Variants in DAB2IP observed in about 807,000 individuals in gnomAD.
The protein encoded by DAB2IP is DAB2 interacting protein.
Under a neutral mutation model 107.2 loss-of-function variants are expected in DAB2IP, and 28 were observed. The ratio of observed to expected loss-of-function variants is 0.26; its 90% CI spans 0.19 to 0.36. The LOEUF is 0.36. DAB2IP is among the 10% of genes least tolerant of loss of function. The pLI, the probability that DAB2IP is intolerant of heterozygous loss-of-function variation, is 1.00. For synonymous variants in DAB2IP, 755 were observed against 706.4 expected, an observed-to-expected ratio of 1.07 and a Z score of -1.09; for missense variants, 1,400 against 1,644.7, an observed-to-expected ratio of 0.85 and a Z score of 2.57.
exon 2 of DAB2IP, chr9:121,678,747 T>G: frequency 6.3e-7 from 1 of 1,599,844 alleles, no homozygotes; most frequent in South Asian, 1.1e-5. Flanking sequence ...AGCCCCAGCA[T>G]GGAGCCCTCG....
At chr9:121,724,748 C>G (rs1375466127) in intron 3 of DAB2IP, among the ~76,000 whole-genome samples, 1 of 152,190 alleles carries the variant, frequency 6.6e-6, no homozygotes, top group Admixed American at 6.5e-5. Context: ...TGTCATACAG[C>G]TGCAGCGGGA....
At chr9:121,596,123 C>G (rs1476854974) in intron 1 of DAB2IP, among the ~76,000 whole-genome samples, 1 of 152,110 alleles carries the variant, frequency 6.6e-6, no homozygotes, top group Non-Finnish European at 1.5e-5. Flanking sequence ...GAGTTCGAGA[C>G]CAGTCTGACC....
At chr9:121,750,341 G>A (rs1189385481) in intron 3 of DAB2IP, among the ~76,000 whole-genome samples, 1 of 152,228 alleles carries the variant, frequency 6.6e-6, no homozygotes, top group Non-Finnish European at 1.5e-5. Flanking sequence ...GTGTGTGTGT[G>A]TGTTTAATCC....
Position 121,780,226 on chromosome 9 carries a change from C to T in DAB2IP, c.3315-1238C>T, listed in dbSNP as rs568656279. Among the ~76,000 whole-genome samples, 18 of 152,280 alleles carry T rather than the reference C, an allele frequency of 1.2e-4. No homozygotes were observed. In the East Asian group the frequency reaches 3.1e-3, roughly 26 times the overall value. The stretch of plus-strand genomic sequence containing the variant: ...ACAAGAGAGTAAATACAATCTCCTT[C>T]CAATCTAATTTTCCTTAATAAAACA... On this transcript the variant is annotated intron_variant, in intron 14 of 15. Coordinates refer to ENST00000408936, the Ensembl canonical transcript of DAB2IP.
At chr9:121,645,729 C>T (rs926216377) in intron 1 of DAB2IP, among the ~76,000 whole-genome samples, 1 of 152,180 alleles carries the variant, frequency 6.6e-6, no homozygotes, top group African/African-American at 2.4e-5. Flanking sequence ...CTCAGCTTCC[C>T]CCGTTCATCA....
At chr9:121,756,962 A>G (rs1398791944) in intron 3 of DAB2IP, 51 bp from the exon 4 acceptor site, 2 of 1,611,736 alleles carry the variant, frequency 1.2e-6, no homozygotes, top group Non-Finnish European at 1.7e-6. Flanking sequence ...CATGGCAACC[A>G]GCTTGACCCG....
At chr9:121,617,725 G>A (rs140764411) in intron 1 of DAB2IP, among the ~76,000 whole-genome samples, 1 of 152,212 alleles carries the variant, frequency 6.6e-6, no homozygotes, top group African/African-American at 2.4e-5. Flanking sequence ...CGAGGCCCAG[G>A]GTGATTGGTT....
Position 121,662,180 on chromosome 9 carries a change from A to G in DAB2IP, c.124+10281A>G, listed in dbSNP as rs1833239256. Among the ~76,000 whole-genome samples, 1 of 152,206 alleles carries G rather than the reference A, an allele frequency of 6.6e-6. No homozygotes were observed. Among genetic ancestry groups the G allele is most frequent in the African/African-American group, 2.4e-5 (1 of 41,442 alleles). On this transcript the variant is annotated intron_variant, in intron 1 of 15. Coordinates refer to ENST00000408936, the Ensembl canonical transcript of DAB2IP. The surrounding 1 kb of genome is among the most constrained non-coding windows in gnomAD (Gnocchi z 4.6). ...CTAAAATATTCTAAAGTAGAACAGAAAAGCATAGAAAATAATATTGCAGAC... is the reference window on the plus strand; with the variant it reads ...CTAAAATATTCTAAAGTAGAACAGAGAAGCATAGAAAATAATATTGCAGAC...
At chr9:121,775,594 A>G (rs558751438) in intron 13 of DAB2IP, among the ~76,000 whole-genome samples, 3 of 152,292 alleles carry the variant, frequency 2.0e-5, no homozygotes, top group Admixed American at 1.3e-4. Context: ...AGCCTCGTCC[A>G]CATCCCTGCT....
At position 121,772,530 on chromosome 9, in the gene DAB2IP, C is replaced by T. The variant is rs1470445896; in HGVS notation, c.2079-77C>T. 9.3e-6 allele frequency: 14 copies of T among 1,503,590 alleles called. No homozygotes were observed. The highest frequency in any genetic ancestry group is 3.8e-5 in the Admixed American group (2 of 52,664). 93.1% of individuals were successfully genotyped at this position (1,503,590 alleles called of 1,614,324 possible). On this transcript the variant is annotated intron_variant, in intron 11 of 15. Transcript: ENST00000408936. The surrounding 1 kb of genome is among the most constrained non-coding windows in gnomAD (Gnocchi z 4.7). ...GCCCCGGCAGGTTGGCGGGTGCTGT[C>T]GGTTTGGACCCGCCTTGGCTGCACT...
chr9:121,770,702 G>A lies in DAB2IP; in HGVS notation c.2056G>A (p.Val686Met), dbSNP rs990726047. The change falls in exon 11 of 16, where the codon GTG (valine) becomes ATG (methionine). Residue 686 changes from valine to methionine, a missense_variant. This residue lies in a region of DAB2IP where 517 missense variants were observed against 748.6 expected (regional missense o/e 0.69). Transcript: ENST00000408936. ...CATCTCAGCTGGGCTGCAGAAGATG[G>A]TGATTGAGAACGATCTTTCCGGGTA... is the stretch of plus-strand genomic sequence containing the variant. 31 of 1,614,016 alleles carry A rather than the reference G, an allele frequency of 1.9e-5. No homozygotes were observed. The highest frequency in any genetic ancestry group is 2.3e-5 in the Non-Finnish European group (27 of 1,180,014).
intron 10 of DAB2IP, among the ~76,000 whole-genome samples, chr9:121,769,863 GGGATTT>G (rs1468567771): frequency 6.6e-6 from 1 of 152,230 alleles, no homozygotes; most frequent in African/African-American, 2.4e-5. Flanking sequence ...GGGTGCAACA[GGGATTT>G]GAAACTCAAC....
intron 8 of DAB2IP, among the ~76,000 whole-genome samples, chr9:121,764,148 G>A (rs1049888163): frequency 6.6e-6 from 1 of 152,230 alleles, no homozygotes; most frequent in African/African-American, 2.4e-5. Flanking sequence ...TGGGTGCTTG[G>A]GCTGCAGCGG....
intron 3 of DAB2IP, among the ~76,000 whole-genome samples, chr9:121,703,940 C>G (rs1156503193): frequency 2.0e-5 from 3 of 152,154 alleles, no homozygotes; most frequent in Non-Finnish European, 2.9e-5. Context: ...CCATTATTAC[C>G]TAGAGCACAG....
intron 1 of DAB2IP, among the ~76,000 whole-genome samples, chr9:121,663,446 C>T (rs530232166): frequency 1.1e-3 from 165 of 152,224 alleles, no homozygotes; most frequent in Admixed American, 2.3e-3. Context: ...GCCCTGCCCC[C>T]GAGTGCTCTA....
intron 3 of DAB2IP, among the ~76,000 whole-genome samples, chr9:121,700,780 C>T (rs1829730843): frequency 6.6e-6 from 1 of 152,156 alleles, no homozygotes. Flanking sequence ...TGCATCCTCA[C>T]CACTGCCTGC....
intron 13 of DAB2IP, among the ~76,000 whole-genome samples, chr9:121,775,657 C>T (rs146909873): frequency 2.0e-4 from 30 of 152,330 alleles, no homozygotes; most frequent in African/African-American, 7.0e-4. Context: ...AGAGCCTGGA[C>T]CACCTGCCTT....
chr9:121,636,174 C>T (rs1341339725), intron 1 of DAB2IP, among the ~76,000 whole-genome samples: 1 of 152,116 alleles, frequency 6.6e-6, no homozygotes, highest in Non-Finnish European at 1.5e-5. Flanking sequence ...TCCCAAAGTG[C>T]TAGGATTACA....
intron 14 of DAB2IP, among the ~76,000 whole-genome samples, chr9:121,779,839 C>T (rs990316347): frequency 2.0e-5 from 3 of 152,256 alleles, no homozygotes; most frequent in African/African-American, 7.2e-5. Flanking sequence ...TGGAGTTTCT[C>T]TCTGCCTCTT....
Sources: gnomAD v4.1 joint callset for allele counts (sites outside exome capture counted in the v4.1 genomes callset) on GRCh38, gnomAD v4.1.1 for gene constraint, gnomAD v4.1.1 regional missense constraint, Gnocchi (gnomAD v3.1) non-coding constraint, MANE v1.5 for transcripts, NCBI Gene and HGNC (gene_info 2026-07-23, HGNC 2026-07-21) for gene names.